The following PODXL2 variants were observed in gnomAD, a reference collection of about 807,000 sequenced individuals.
The protein encoded by PODXL2 is podocalyxin-like protein 2.
A neutral mutation model predicts 53.4 loss-of-function variants in PODXL2; 17 were observed. The observed-to-expected ratio is 0.32, with a 90% CI of 0.22 to 0.48. The LOEUF (loss-of-function observed/expected upper bound fraction) is 0.48. PODXL2 is among the 20% of genes least tolerant of loss of function. The probability of loss-of-function intolerance (pLI) is 0.99; values close to 1 mark genes in which losing one functional copy is unlikely to be tolerated. For synonymous variants in PODXL2, 311 were observed against 306.7 expected (o/e 1.01, Z -0.15); for missense variants, 673 against 760.0 (o/e 0.89, Z 1.35).
intron 2 of PODXL2, among the ~76,000 whole-genome samples, chr3:127,647,772 G>A (rs1252497683): frequency 1.3e-5 from 2 of 152,216 alleles, no homozygotes; most frequent in Non-Finnish European, 2.9e-5. Context: ...CAGAAAGGGA[G>A]CTCTGCCTTC....
At chr3:127,670,888 A>T (rs1396507070) in intron 6 of PODXL2, among the ~76,000 whole-genome samples, 1 of 152,182 alleles carries the variant, frequency 6.6e-6, no homozygotes, top group African/African-American at 2.4e-5. Context: ...AGCAGTGAAC[A>T]CGCCATGGGA....
chr3:127,642,042 G>A (rs1182920151), intron 2 of PODXL2, among the ~76,000 whole-genome samples: 17 of 151,678 alleles, frequency 1.1e-4, no homozygotes, highest in South Asian at 2.1e-4. Flanking sequence ...CTGTGATTCC[G>A]GCACTTTGGG....
rs556258255 is a variant in PODXL2 at position 127,632,362 on chromosome 3, C to G, written c.70+3073C>G. 1.2e-4 allele frequency among the ~76,000 whole-genome samples: 19 copies of G among 152,288 alleles called. No homozygotes were observed. The Middle Eastern group carries it at 0.01, about 82-fold the overall frequency. ...TTTGAGAGACAACCCGTGTTTAATC[C>G]TTCAGTGGTTTTGTAGAGAGTGAAT... On this transcript the variant is annotated intron_variant, in intron 1 of 7. Transcript: ENST00000342480.
At chr3:127,656,003 C>T (rs1431948996) in intron 2 of PODXL2, among the ~76,000 whole-genome samples, 1 of 152,202 alleles carries the variant, frequency 6.6e-6, no homozygotes, top group Non-Finnish European at 1.5e-5. Context: ...GAGGCACAGG[C>T]CCTGGTTTTT....
At chr3:127,633,320 G>A (rs1354010726) in intron 1 of PODXL2, among the ~76,000 whole-genome samples, 1 of 152,218 alleles carries the variant, frequency 6.6e-6, no homozygotes, top group Non-Finnish European at 1.5e-5. Flanking sequence ...ACAAGTAATA[G>A]CTTTCCATTC....
chr3:127,634,232 C>T (rs1319788893), intron 1 of PODXL2, among the ~76,000 whole-genome samples: 1 of 152,104 alleles, frequency 6.6e-6, no homozygotes, highest in Non-Finnish European at 1.5e-5. Context: ...TTGAGACCAG[C>T]CTGGCCAACA....
At chr3:127,640,167 T>G (rs1362348769) in intron 2 of PODXL2, among the ~76,000 whole-genome samples, 1 of 152,224 alleles carries the variant, frequency 6.6e-6, no homozygotes, top group African/African-American at 2.4e-5. Context: ...CGCCATGAGC[T>G]GACATTGATA....
intron 1 of PODXL2, among the ~76,000 whole-genome samples, chr3:127,638,700 G>C (rs938081317): frequency 1.4e-4 from 21 of 152,050 alleles, no homozygotes; most frequent in Non-Finnish European, 2.5e-4. Context: ...GGGCGACAGA[G>C]CAAGACTCCA....
intron 2 of PODXL2, among the ~76,000 whole-genome samples, chr3:127,647,238 GA>G (rs1236379011): frequency 6.6e-6 from 1 of 152,088 alleles, no homozygotes; most frequent in East Asian, 1.9e-4. Context: ...ACAAAGCAGG[GA>G]AAAAAACATG....
chr3:127,654,222 G>T (rs187294175), intron 2 of PODXL2, among the ~76,000 whole-genome samples: 2 of 152,298 alleles, frequency 1.3e-5, no homozygotes, highest in South Asian at 2.1e-4. Context: ...GTGCAGGCCA[G>T]TTATTTTGTA....
chr3:127,639,388 G>C lies in PODXL2; in HGVS notation c.214G>C (p.Ala72Pro). Reference protein sequence around the residue: ...EEPSETMGLGAGLGAPGSGFP... With the variant: ...EEPSETMGLGPGLGAPGSGFP... ...GCCTAGTGAGACCATGGGCCTGGGAGCTGGGCTGGGAGCCCCTGGCTCAGG... is the reference window on the plus strand; with the variant it reads ...GCCTAGTGAGACCATGGGCCTGGGACCTGGGCTGGGAGCCCCTGGCTCAGG... The change falls in exon 2 of 8, where the codon GCT becomes CCT. Residue 72 changes from alanine (A) to proline (P), a missense_variant. Physicochemically the swap from Ala to Pro is conservative, Grantham distance 27. Coordinates refer to ENST00000342480, the MANE Select transcript of PODXL2 (RefSeq NM_015720.4). 1 of 1,614,244 alleles carries C rather than the reference G, an allele frequency of 6.2e-7. No individual in the cohort carries two copies. Among genetic ancestry groups the C allele is most frequent in the Non-Finnish European group, 8.5e-7 (1 of 1,180,022 alleles).
intron 1 of PODXL2, among the ~76,000 whole-genome samples, chr3:127,638,745 C>G (rs2074594640): frequency 6.6e-6 from 1 of 152,094 alleles, no homozygotes; most frequent in Admixed American, 6.6e-5. Flanking sequence ...AAACTAAAGA[C>G]TATGTTCAGG....
intron 3 of PODXL2, 60 bp from the exon 4 acceptor site, chr3:127,662,177 T>A: frequency 1.4e-6 from 2 of 1,461,668 alleles, no homozygotes; most frequent in Non-Finnish European, 1.9e-6. Context: ...CGGGGCTCTC[T>A]CCCCTGTCCC....
chr3:127,667,192 A>G (rs757665171), intron 4 of PODXL2, among the ~76,000 whole-genome samples: 3 of 152,272 alleles, frequency 2.0e-5, no homozygotes, highest in Non-Finnish European at 2.9e-5. Flanking sequence ...GGCATTTGCC[A>G]TGGTAACAAA....
At position 127,629,216 on chromosome 3, in the gene PODXL2, C is replaced by T. The variant is rs1332649940; in HGVS notation, c.-4C>T. On this transcript the variant is annotated 5_prime_UTR_variant, in exon 1 of 8. Transcript: ENST00000342480. This position sits in a 1 kb window ranked among gnomAD's most constrained non-coding sequence, Gnocchi z 6.4. ...CTGCGGCTGCAGGCGGCGACGGCTA[C>T]ACCATGGGCCGGCTGCTGCGGGCCG... 2 of 991,416 alleles carry T rather than the reference C, an allele frequency of 2.0e-6. No homozygotes were observed. The highest frequency in any genetic ancestry group is 3.5e-5 in the African/African-American group (2 of 56,650). 61.4% of individuals were successfully genotyped at this position (991,416 alleles called of 1,614,324 possible). A position where few individuals can be genotyped will look rare whatever the true frequency, so the allele number is the denominator to read the frequency against.
intron 5 of PODXL2, among the ~76,000 whole-genome samples, 188 bp from the exon 6 acceptor site, chr3:127,668,953 A>G (rs1332087923): frequency 6.6e-6 from 1 of 152,194 alleles, no homozygotes; most frequent in Non-Finnish European, 1.5e-5. Context: ...TCGATGTTCT[A>G]ACAGATCGAT....
In PODXL2 at chr3:127,661,110, A is replaced by G. The variant is rs1282249036; in HGVS notation, c.1082A>G (p.Glu361Gly). The G allele has an allele frequency of 6.2e-7, 1 of 1,614,190 alleles. No homozygotes were observed. The highest frequency in any genetic ancestry group is 1.7e-5 in the Admixed American group (1 of 60,026). ...GQEDLNQQLL[E>G]GQAAEAQSRI... ...GAAGATCTCAACCAGCAGCTCCTAG[A>G]AGGGCAGGCAGCTGAAGCTCAATCC... The change falls in exon 3 of 8, where the codon GAA becomes GGA. Residue 361 changes from glutamate to glycine, a missense_variant. Physicochemically the swap from Glu to Gly is moderately conservative, Grantham distance 98. This residue lies in a region of PODXL2 where 588 missense variants were observed against 668.3 expected (regional missense o/e 0.88). Coordinates refer to ENST00000342480, the MANE Select transcript of PODXL2 (RefSeq NM_015720.4).
At chr3:127,655,416 A>C (rs1350120162) in intron 2 of PODXL2, among the ~76,000 whole-genome samples, 1 of 152,104 alleles carries the variant, frequency 6.6e-6, no homozygotes, top group Non-Finnish European at 1.5e-5. Flanking sequence ...AAATAATAAT[A>C]ATGATAATAA....
chr3:127,657,039 T>C (rs766730166), intron 2 of PODXL2, among the ~76,000 whole-genome samples: 1 of 152,126 alleles, frequency 6.6e-6, no homozygotes, highest in African/African-American at 2.4e-5. Flanking sequence ...AGACCCTGTC[T>C]CAAAAGCAGA....
Sources: gnomAD v4.1 joint callset for allele counts (sites outside exome capture counted in the v4.1 genomes callset) on GRCh38, gnomAD v4.1.1 for gene constraint, gnomAD v4.1.1 regional missense constraint, Gnocchi (gnomAD v3.1) non-coding constraint, MANE v1.5 for transcripts, NCBI Gene and HGNC (gene_info 2026-07-23, HGNC 2026-07-21) for gene names.